The following SIPA1L2 variants were observed in gnomAD, a reference collection of about 807,000 sequenced individuals.
SIPA1L2 encodes signal induced proliferation associated 1 like 2, also known as signal-induced proliferation-associated 1-like protein 2.
SIPA1L2 carries 56 observed loss-of-function variants against 163.9 expected under a neutral mutation model. That is an observed-to-expected ratio of 0.34 (90% CI 0.28 to 0.43). The LOEUF (loss-of-function observed/expected upper bound fraction) is 0.43. Among genes scored for constraint, SIPA1L2 ranks in the 20% least tolerant of loss-of-function variants. SIPA1L2 has a pLI of 1.00. For synonymous variants in SIPA1L2, 877 were observed against 865.7 expected (o/e 1.01, Z -0.23); for missense variants, 1,974 against 2,193.5 (o/e 0.90, Z 2.00).
In SIPA1L2 at chr1:232,525,401, ATTTT is replaced by A. The variant is rs59155660; in HGVS notation, c.-269-9797_-269-9794del. On this transcript the variant is annotated intron_variant, in intron 2 of 22. Transcript: ENST00000674635. ...CAGGCACCCGCCACCAAGCCTGGCT[ATTTT>A]TTTTTTTTTTTTTTTTTTTTTTGTA... Among the ~76,000 whole-genome samples the A allele has an allele frequency of 8.3e-4, 106 of 127,650 alleles. 1 individual carries two copies. The highest frequency in any genetic ancestry group is 3.1e-3 in the African/African-American group (99 of 31,570). The allele number at this position is 127,650 out of a possible 152,430, so 83.7% of individuals were successfully genotyped here.
At chr1:232,544,773 G>C (rs1456671393) in intron 2 of SIPA1L2, among the ~76,000 whole-genome samples, 1 of 152,156 alleles carries the variant, frequency 6.6e-6, no homozygotes, top group African/African-American at 2.4e-5. Flanking sequence ...ACACAGCCAA[G>C]TCTTCTTGCA....
intron 7 of SIPA1L2, among the ~76,000 whole-genome samples, chr1:232,474,404 C>G (rs1375468867): frequency 6.6e-6 from 1 of 152,144 alleles, no homozygotes; most frequent in Non-Finnish European, 1.5e-5. Flanking sequence ...AATTCCATGG[C>G]AAAAGCATAT....
chr1:232,582,859 C>T (rs1261424168), intron 1 of SIPA1L2, among the ~76,000 whole-genome samples: 1 of 152,164 alleles, frequency 6.6e-6, no homozygotes. Context: ...ATTGGGATAG[C>T]CTCCATGTGG....
Position 232,465,267 on chromosome 1 carries a change from C to T in SIPA1L2, c.2393G>A (p.Arg798Gln), listed in dbSNP as rs746362891. ...ENAAHKSEKF[R>Q]AMATRTRQEY... ...CTGCCTCGTTCGAGTGGCCATTGCTCGAAACTTTTCTGATTTATGGGCTGC... is the reference window on the plus strand; with the variant it reads ...CTGCCTCGTTCGAGTGGCCATTGCTTGAAACTTTTCTGATTTATGGGCTGC... The change falls in exon 9 of 23, where the codon CGA becomes CAA. Residue 798 changes from arginine (R) to glutamine (Q), a missense_variant. Transcript: ENST00000674635. The surrounding 1 kb of genome is among the most constrained non-coding windows in gnomAD (Gnocchi z 4.1). 2.5e-5 allele frequency: 40 copies of T among 1,613,990 alleles called. No individual in the cohort carries two copies. Among genetic ancestry groups the T allele is most frequent in the Middle Eastern group, 1.6e-4 (1 of 6,084 alleles).
intron 2 of SIPA1L2, among the ~76,000 whole-genome samples, chr1:232,564,245 T>TC (rs1325116675): frequency 3.0e-5 from 1 of 33,286 alleles, no homozygotes; most frequent in African/African-American, 1.4e-4. Context: ...CGTGTGTGTG[T>TC]GTGTGTGTGT....
rs560889867 is a variant in SIPA1L2, at chr1:232,610,784, G to A, written c.-319+19085C>T. ...GAGGCCAGCACAGGCCTGACAGCAA[G>A]TGAAGGAGAATAAGGGTAATTAAAT... On this transcript the variant is annotated intron_variant, in intron 1 of 22. Transcript: ENST00000674635. Among the ~76,000 whole-genome samples the A allele has an allele frequency of 2.6e-5, 4 of 152,272 alleles. No individual in the cohort carries two copies. In the South Asian group the frequency reaches 8.3e-4, roughly 32 times the overall value.
rs776171715 is a variant in SIPA1L2, at chr1:232,514,000, C to A, written c.1340G>T (p.Ser447Ile). Residue 447 changes from serine to isoleucine, a missense_variant, in exon 3 of 23, where the codon AGC becomes ATC. Ser to Ile is a moderately radical substitution (Grantham distance 142). This residue lies in a region of SIPA1L2 where 607 missense variants were observed against 624.0 expected (regional missense o/e 0.97). Coordinates refer to ENST00000674635, the MANE Select transcript of SIPA1L2 (RefSeq NM_020808.5). ...GACACCTGCATTTGTGCAGTGAGAGCTGAGTGACGATTCGAAAGAGCAGCT... is the reference window on the plus strand; with the variant it reads ...GACACCTGCATTTGTGCAGTGAGAGATGAGTGACGATTCGAAAGAGCAGCT... ...GESCSFESSL[S>I]SHCTNAGVSV... The A allele has an allele frequency of 2.5e-6, 4 of 1,614,204 alleles. No homozygotes were observed. The South Asian group carries it at 4.4e-5, about 18-fold the overall frequency.
At chr1:232,599,092 A>G (rs1249612549) in intron 1 of SIPA1L2, among the ~76,000 whole-genome samples, 1 of 152,186 alleles carries the variant, frequency 6.6e-6, no homozygotes, top group Non-Finnish European at 1.5e-5. Flanking sequence ...CAATAACATT[A>G]GTTCCCTTAG....
intron 2 of SIPA1L2, among the ~76,000 whole-genome samples, chr1:232,556,176 C>T (rs1658692213): frequency 6.6e-6 from 1 of 152,228 alleles, no homozygotes. Context: ...GCTTACCTTT[C>T]TGTCTGTTAC....
intron 21 of SIPA1L2, 61 bp downstream of exon 21, chr1:232,403,387 C>T (rs201181133): frequency 8.9e-6 from 14 of 1,579,694 alleles, no homozygotes; most frequent in African/African-American, 4.0e-5. Flanking sequence ...GTCGGTTAGC[C>T]GAATCTTGGC....
intron 5 of SIPA1L2, among the ~76,000 whole-genome samples, chr1:232,490,147 G>C (rs534371159): frequency 7.9e-5 from 12 of 152,136 alleles, no homozygotes; most frequent in Non-Finnish European, 1.5e-5. Context: ...GGTCTCATTT[G>C]TTCTAGTCTC....
intron 8 of SIPA1L2, among the ~76,000 whole-genome samples, chr1:232,466,705 G>A (rs1222849619): frequency 3.3e-5 from 5 of 152,100 alleles, no homozygotes; most frequent in Non-Finnish European, 5.9e-5. Flanking sequence ...GAAGGAGAAT[G>A]GTGTGAACCT....
chr1:232,420,310 C>T (rs942650223), intron 18 of SIPA1L2, among the ~76,000 whole-genome samples: 11 of 151,750 alleles, frequency 7.2e-5, no homozygotes, highest in African/African-American at 1.9e-4. Context: ...GCAACAAGAG[C>T]GAAACTCCGT....
chr1:232,630,327 G>A (rs1558316371), upstream of SIPA1L2, among the ~76,000 whole-genome samples: 1 of 151,728 alleles, frequency 6.6e-6, no homozygotes, highest in Non-Finnish European at 1.5e-5. Flanking sequence ...CGCGGCGCGC[G>A]GGAGCTGCGC....
chr1:232,468,421 G>C (rs1001565992), intron 8 of SIPA1L2, among the ~76,000 whole-genome samples: 1 of 152,166 alleles, frequency 6.6e-6, no homozygotes, highest in Non-Finnish European at 1.5e-5. Flanking sequence ...GGTAACTCCC[G>C]GAGTCAGGGA....
chr1:232,449,514 T>G (rs1418500642), intron 10 of SIPA1L2, among the ~76,000 whole-genome samples: 1 of 106,320 alleles, frequency 9.4e-6, no homozygotes. Context: ...CGAGACTCCG[T>G]CTCAAAAAAA....
chr1:232,579,601 T>A (rs766090206), intron 1 of SIPA1L2, among the ~76,000 whole-genome samples: 12 of 152,224 alleles, frequency 7.9e-5, no homozygotes, highest in Non-Finnish European at 1.8e-4. Flanking sequence ...TTGAACCATA[T>A]GAAACCACCA....
intron 11 of SIPA1L2, among the ~76,000 whole-genome samples, chr1:232,444,711 T>C (rs1366732489): frequency 6.6e-6 from 1 of 152,194 alleles, no homozygotes; most frequent in Admixed American, 6.5e-5. Context: ...CTGATGTGGT[T>C]TGTCAGATGA....
At chr1:232,456,061 AC>A in intron 10 of SIPA1L2, among the ~76,000 whole-genome samples, 1 of 152,278 alleles carries the variant, frequency 6.6e-6, no homozygotes, top group South Asian at 2.1e-4. Context: ...CACGTAATTT[AC>A]CCACGTAACA....
Sources: allele counts gnomAD v4.1 joint callset (sites outside exome capture counted in the v4.1 genomes callset), GRCh38; gene constraint gnomAD v4.1.1; regional missense constraint gnomAD v4.1.1; non-coding constraint Gnocchi (gnomAD v3.1); transcripts MANE v1.5; gene names NCBI Gene and HGNC (gene_info 2026-07-23, HGNC 2026-07-21).